The following DCAF17 variants were observed in gnomAD, a reference collection of about 807,000 sequenced individuals.
DCAF17 encodes DDB1- and CUL4-associated factor 17.
A neutral mutation model predicts 66.0 loss-of-function variants in DCAF17; 48 were observed. The observed-to-expected ratio is 0.73, with a 90% confidence interval of 0.58 to 0.92. The LOEUF is 0.92. DCAF17 is among the 40% of genes least tolerant of loss of function. DCAF17 has a pLI of 0.00. For missense variants in DCAF17, 562 were observed against 622.8 expected, an observed-to-expected ratio of 0.90 and a Z score of 1.04; for synonymous variants, 206 against 214.6, an observed-to-expected ratio of 0.96 and a Z score of 0.35.
chr2:171,455,162 C>A (rs148595487), intron 6 of DCAF17, among the ~76,000 whole-genome samples: 1 of 151,834 alleles, frequency 6.6e-6, no homozygotes, highest in Non-Finnish European at 1.5e-5. Flanking sequence ...CCGATAGGCC[C>A]GAGTGTGTGT....
intron 5 of DCAF17, among the ~76,000 whole-genome samples, chr2:171,451,881 G>A (rs77193647): frequency 1.4e-3 from 216 of 152,148 alleles, no homozygotes; most frequent in African/African-American, 3.9e-3. Flanking sequence ...AATTCTATAC[G>A]TTATCATATG....
chr2:171,461,547 A>G (rs2105780943), intron 8 of DCAF17, among the ~76,000 whole-genome samples: 1 of 152,346 alleles, frequency 6.6e-6, no homozygotes, highest in South Asian at 2.1e-4. Context: ...TATCTCCTTG[A>G]TGTGTAATTT....
chr2:171,450,538 T>C (rs146543312), intron 5 of DCAF17, among the ~76,000 whole-genome samples: 210 of 152,272 alleles, frequency 1.4e-3, no homozygotes, highest in African/African-American at 4.9e-3. Context: ...AAACTTTTTG[T>C]TTCTATTGGT....
intron 13 of DCAF17, 110 bp downstream of exon 13, chr2:171,480,303 A>AC: frequency 7.3e-7 from 1 of 1,374,678 alleles, no homozygotes; most frequent in Non-Finnish European, 1.0e-6. Flanking sequence ...TATGCCAATG[A>AC]CCATGTGAAA....
chr2:171,471,108 A>G (rs1328681981), intron 9 of DCAF17, among the ~76,000 whole-genome samples: 4 of 152,192 alleles, frequency 2.6e-5, no homozygotes, highest in African/African-American at 4.8e-5. Flanking sequence ...CTCTCCTTCT[A>G]TAATAACTGA....
intron 6 of DCAF17, 103 bp from the exon 7 acceptor site, chr2:171,457,868 C>T (rs1574361399): frequency 1.1e-6 from 1 of 922,778 alleles, no homozygotes; most frequent in East Asian, 2.4e-5. Context: ...GCAGTGTTAT[C>T]ATAGTGACAT....
rs1324679932 is a variant in DCAF17, at chr2:171,483,010, C to G, written c.*1896C>G. 4.4e-6 allele frequency: 2 copies of G among 454,074 alleles called. No individual in the cohort carries two copies. The highest frequency in any genetic ancestry group is 4.7e-5 in the Admixed American group (2 of 42,578). 28.1% of individuals were successfully genotyped at this position (454,074 alleles called of 1,614,324 possible). On this transcript the variant is annotated 3_prime_UTR_variant, in exon 14 of 14. Transcript: ENST00000375255. ...ATGCCCCAACTAAAAGGAGCAGCTG[C>G]TACTGCTTAGTTTCAGCCAGTTGCA...
At position 171,434,470 on chromosome 2, in the gene DCAF17, G is replaced by A. The variant is rs993244003; in HGVS notation, c.-108G>A. ...GTGTCAGCTTTCCCTGGGCCCCGCCGGGAAAGTCTGGGCCTCGAAATTCGA... is the reference window on the plus strand; with the variant it reads ...GTGTCAGCTTTCCCTGGGCCCCGCCAGGAAAGTCTGGGCCTCGAAATTCGA... On this transcript the variant is annotated 5_prime_UTR_variant, in exon 1 of 14. Transcript: ENST00000375255. 2.0e-6 allele frequency: 3 copies of A among 1,512,222 alleles called. No homozygotes were observed. Among genetic ancestry groups the A allele is most frequent in the Non-Finnish European group, 2.7e-6 (3 of 1,131,210 alleles). The allele number at this position is 1,512,222 out of a possible 1,614,324, so 93.7% of individuals were successfully genotyped here. A position where few individuals can be genotyped will look rare whatever the true frequency, so the allele number is the denominator to read the frequency against.
intron 8 of DCAF17, among the ~76,000 whole-genome samples, chr2:171,462,155 C>G (rs146310976): frequency 8.8e-4 from 134 of 152,154 alleles, no homozygotes; most frequent in African/African-American, 3.0e-3. Flanking sequence ...ATCTTTTTAT[C>G]TCAGTGTGGG....
rs76819661 is a variant in DCAF17 at position 171,470,397 on chromosome 2, A to G, written c.981+1367A>G. Among the ~76,000 whole-genome samples the G allele has an allele frequency of 1.9e-3, 292 of 152,200 alleles. 4 individuals are homozygous for G. In the East Asian group the frequency reaches 0.039, roughly 20 times the overall value. The stretch of plus-strand genomic sequence containing the variant: ...CAGATCACCTTTCACCACGCACGTT[A>G]CAGATCACCTTTTACCATGTTGCAG... On this transcript the variant is annotated intron_variant, in intron 9 of 13. Transcript: ENST00000375255.
At chr2:171,462,817 G>A (rs1488753530) in intron 8 of DCAF17, among the ~76,000 whole-genome samples, 1 of 152,114 alleles carries the variant, frequency 6.6e-6, no homozygotes, top group Non-Finnish European at 1.5e-5. Context: ...AGTGACATTA[G>A]TATTATTATA....
In DCAF17 at chr2:171,434,333, G is replaced by T; in HGVS notation, c.-245G>T. On this transcript the variant is annotated 5_prime_UTR_variant, in exon 1 of 14. Transcript: ENST00000375255. The stretch of plus-strand genomic sequence containing the variant: ...GCGTCGCACTGTCAGCGGCCAGAGA[G>T]CCTGGGGCAGATCGAAAAGGGAGTG... 1.4e-6 allele frequency: 1 copy of T among 696,328 alleles called. No homozygotes were observed. Among genetic ancestry groups the T allele is most frequent in the Non-Finnish European group, 2.5e-6 (1 of 397,572 alleles). 43.1% of individuals were successfully genotyped at this position (696,328 alleles called of 1,614,324 possible). A position where few individuals can be genotyped will look rare whatever the true frequency, so the allele number is the denominator to read the frequency against.
intron 8 of DCAF17, among the ~76,000 whole-genome samples, chr2:171,467,461 G>A (rs1270323069): frequency 2.6e-5 from 4 of 152,090 alleles, no homozygotes; most frequent in African/African-American, 7.2e-5. Context: ...GGCCGAGGCA[G>A]GCGGATCGCT....
At position 171,477,010 on chromosome 2, in the gene DCAF17, A is replaced by G. The variant is rs1574403857; in HGVS notation, c.1182+60A>G. On this transcript the variant is annotated intron_variant, in intron 11 of 13. Transcript: ENST00000375255. ...CATTGTCTTTCTATATAAGACTATAATATGCTAATATATTTGCCTTTGAGT... is the reference window on the plus strand; with the variant it reads ...CATTGTCTTTCTATATAAGACTATAGTATGCTAATATATTTGCCTTTGAGT... The G allele has an allele frequency of 1.7e-5, 21 of 1,243,606 alleles. No homozygotes were observed. The East Asian group carries it at 4.6e-4, about 27-fold the overall frequency. The allele number at this position is 1,243,606 out of a possible 1,614,324, so 77.0% of individuals were successfully genotyped here.
intron 13 of DCAF17, among the ~76,000 whole-genome samples, 194 bp downstream of exon 13, chr2:171,480,387 C>G (rs978830728): frequency 6.6e-6 from 1 of 152,118 alleles, no homozygotes; most frequent in Non-Finnish European, 1.5e-5. Flanking sequence ...GGGATCCTTA[C>G]CAGTGGCCTT....
rs886055103 is a variant in DCAF17, at chr2:171,434,372, C to T, written c.-206C>T. On this transcript the variant is annotated 5_prime_UTR_variant, in exon 1 of 14. Transcript: ENST00000375255. Reference sequence around the variant, plus strand: ...GAAAAGGGAGTGCTTCTTCCCTTCTCTCCGCGCTCTGGCGGTGCAAGCGGC... The same window carrying T: ...GAAAAGGGAGTGCTTCTTCCCTTCTTTCCGCGCTCTGGCGGTGCAAGCGGC... 3 of 865,012 alleles carry T rather than the reference C, an allele frequency of 3.5e-6. No homozygotes were observed. In the East Asian group the frequency reaches 8.2e-5, roughly 24 times the overall value. The allele number at this position is 865,012 out of a possible 1,614,324, so 53.6% of individuals were successfully genotyped here. A position where few individuals can be genotyped will look rare whatever the true frequency, so the allele number is the denominator to read the frequency against.
At position 171,448,665 on chromosome 2, in the gene DCAF17, C is replaced by CTT. The variant is rs139655160; in HGVS notation, c.322-15_322-14insTT. ...GCCAAGCAGTTTCATTTTTATATCT[C>CTT]TCTTTTTTTTTTTAGGGAGATATAC... On this transcript the variant is annotated splice_polypyrimidine_tract_variant and intron_variant, in intron 3 of 13. Coordinates refer to ENST00000375255, the MANE Select transcript of DCAF17 (RefSeq NM_025000.4). The CTT allele has an allele frequency of 0.01, 15,325 of 1,505,914 alleles. 12 individuals carry two copies. The highest frequency in any genetic ancestry group is 0.023 in the South Asian group (1,718 of 75,776). 93.3% of individuals were successfully genotyped at this position (1,505,914 alleles called of 1,614,324 possible).
rs1465517366 is a variant in DCAF17, at chr2:171,483,964, A to G, written c.*2850A>G. Reference sequence around the variant, plus strand: ...CCAATTTAGCATACCAACAACTATAATACTAGATATGTAGGAAAGTGCTTA... The same window carrying G: ...CCAATTTAGCATACCAACAACTATAGTACTAGATATGTAGGAAAGTGCTTA... On this transcript the variant is annotated 3_prime_UTR_variant, in exon 14 of 14. Coordinates refer to ENST00000375255, the MANE Select transcript of DCAF17 (RefSeq NM_025000.4). 1 of 453,944 alleles carries G rather than the reference A, an allele frequency of 2.2e-6. No individual in the cohort carries two copies. Among genetic ancestry groups the G allele is most frequent in the Non-Finnish European group, 4.4e-6 (1 of 226,798 alleles). The allele number at this position is 453,944 out of a possible 1,614,324, so 28.1% of individuals were successfully genotyped here. A position where few individuals can be genotyped will look rare whatever the true frequency, so the allele number is the denominator to read the frequency against.
chr2:171,446,349 C>T (rs1200942925), intron 3 of DCAF17, among the ~76,000 whole-genome samples: 1 of 151,978 alleles, frequency 6.6e-6, no homozygotes, highest in Non-Finnish European at 1.5e-5. Context: ...TGTTCAAGAC[C>T]AGCCTGACCA....
Sources: gnomAD v4.1 joint callset for allele counts (sites outside exome capture counted in the v4.1 genomes callset) on GRCh38, gnomAD v4.1.1 for gene constraint, MANE v1.5 for transcripts, NCBI Gene and HGNC (gene_info 2026-07-23, HGNC 2026-07-21) for gene names.